The following AKAP7 variants were observed in gnomAD, a reference collection of about 807,000 sequenced individuals.
AKAP7 encodes the protein A-kinase anchoring protein 7.
Under a neutral mutation model 39.5 loss-of-function variants are expected in AKAP7, and 39 were observed. That is an observed-to-expected ratio of 0.99 (90% CI 0.76 to 1.29). AKAP7 has a LOEUF of 1.29. Among genes scored for constraint, AKAP7 ranks in the 50% most tolerant of loss-of-function variants. AKAP7 has a pLI of 0.00. For missense variants in AKAP7, 414 were observed against 407.7 expected, an observed-to-expected ratio of 1.02 and a Z score of -0.13; for synonymous variants, 140 against 139.1, an observed-to-expected ratio of 1.01 and a Z score of -0.05.
rs574845592 is a variant in AKAP7, at chr6:131,184,293, T to G, written c.589+15020T>G. On this transcript the variant is annotated intron_variant, in intron 5 of 7. Coordinates refer to ENST00000431975, the MANE Select transcript of AKAP7 (RefSeq NM_016377.4). The stretch of plus-strand genomic sequence containing the variant: ...ATGAAGTGGAGGAGAGAAACAGCCT[T>G]AGATATGTCGGGGAGCAGGGGGGTG... 8.9e-6 allele frequency: 5 copies of G among 560,944 alleles called. No homozygotes were observed. The East Asian group carries it at 1.7e-4, about 19-fold the overall frequency. 34.7% of individuals were successfully genotyped at this position (560,944 alleles called of 1,614,324 possible).
At chr6:131,275,641 C>T (rs1562260265) in intron 7 of AKAP7, among the ~76,000 whole-genome samples, 2 of 152,290 alleles carry the variant, frequency 1.3e-5, no homozygotes, top group African/African-American at 4.8e-5. Context: ...GCGTGGCCTA[C>T]AAACATCCAT....
At chr6:131,167,302 T>C (rs1803601568) in intron 4 of AKAP7, among the ~76,000 whole-genome samples, 1 of 152,196 alleles carries the variant, frequency 6.6e-6, no homozygotes, top group Admixed American at 6.5e-5. Context: ...AGCACAAATT[T>C]ACTGATTTAT....
intron 4 of AKAP7, among the ~76,000 whole-genome samples, chr6:131,167,657 A>G (rs1333873295): frequency 3.9e-5 from 6 of 152,170 alleles, no homozygotes; most frequent in African/African-American, 1.4e-4. Flanking sequence ...TAGATATACT[A>G]AAGTATAGTG....
intron 5 of AKAP7, chr6:131,185,452 AG>A: frequency 2.4e-6 from 1 of 409,858 alleles, no homozygotes; most frequent in Non-Finnish European, 4.6e-6. Flanking sequence ...ACTGCTCCCA[AG>A]GAACTTCATT....
At chr6:131,221,498 G>A (rs1809693508) in intron 7 of AKAP7, among the ~76,000 whole-genome samples, 1 of 152,222 alleles carries the variant, frequency 6.6e-6, no homozygotes, top group South Asian at 2.1e-4. Context: ...CAAAGCAACA[G>A]ATTTTCAATG....
intron 4 of AKAP7, among the ~76,000 whole-genome samples, 190 bp from the exon 5 acceptor site, chr6:131,168,920 ACTT>A (rs1176522056): frequency 6.6e-6 from 1 of 152,104 alleles, no homozygotes; most frequent in Non-Finnish European, 1.5e-5. Context: ...AGATTTCTTT[ACTT>A]CTTCCATAGT....
chr6:131,175,895 C>A (rs142506463), intron 5 of AKAP7, among the ~76,000 whole-genome samples: 2 of 152,198 alleles, frequency 1.3e-5, no homozygotes, highest in African/African-American at 4.8e-5. Flanking sequence ...CAACTATCCA[C>A]TTCTTCATCA....
chr6:131,209,247 C>T (rs1034717536), intron 6 of AKAP7, among the ~76,000 whole-genome samples: 5 of 151,640 alleles, frequency 3.3e-5, no homozygotes, highest in Admixed American at 6.6e-5. Context: ...AGATAAGCAT[C>T]TGATTTTTTT....
chr6:131,234,740 T>G (rs573567299), intron 7 of AKAP7, among the ~76,000 whole-genome samples: 1 of 151,948 alleles, frequency 6.6e-6, no homozygotes, highest in South Asian at 2.1e-4. Flanking sequence ...ACTTTACAAT[T>G]CAGTCTTTTT....
chr6:131,136,944 TTATG>T, intron 1 of AKAP7: 3 of 778,516 alleles, frequency 3.9e-6, no homozygotes, highest in Non-Finnish European at 4.7e-6. Context: ...ATGTATGTAC[TTATG>T]TATGTATGTA....
chr6:131,255,944 T>C (rs917598153), intron 7 of AKAP7, among the ~76,000 whole-genome samples: 1 of 152,208 alleles, frequency 6.6e-6, no homozygotes, highest in Non-Finnish European at 1.5e-5. Flanking sequence ...CCAAGTACTA[T>C]GCTAGGATTA....
At chr6:131,252,371 C>T (rs1222627523) in intron 7 of AKAP7, among the ~76,000 whole-genome samples, 1 of 152,104 alleles carries the variant, frequency 6.6e-6, no homozygotes, top group African/African-American at 2.4e-5. Flanking sequence ...CTCCTGATGG[C>T]CCCCTGGGTC....
intron 1 of AKAP7, among the ~76,000 whole-genome samples, chr6:131,142,962 T>C (rs1347666641): frequency 6.6e-6 from 1 of 152,214 alleles, no homozygotes; most frequent in Non-Finnish European, 1.5e-5. Context: ...GTTTTGGACT[T>C]ATGTGGAGCC....
chr6:131,193,281 T>G (rs1806592757), intron 5 of AKAP7, among the ~76,000 whole-genome samples: 1 of 152,136 alleles, frequency 6.6e-6, no homozygotes, highest in South Asian at 2.1e-4. Context: ...GAGTTTTTTA[T>G]GAAGGGATGT....
chr6:131,130,788 T>A (rs1800309127), upstream of AKAP7, among the ~76,000 whole-genome samples: 1 of 152,204 alleles, frequency 6.6e-6, no homozygotes, highest in African/African-American at 2.4e-5. Flanking sequence ...AGATTAGTTT[T>A]GCCAGACACC....
intron 5 of AKAP7, chr6:131,184,414 C>T (rs1805608268): frequency 4.5e-6 from 3 of 660,030 alleles, no homozygotes; most frequent in Non-Finnish European, 8.7e-6. Context: ...TCAGGGGGCT[C>T]AGATATGGAC....
chr6:131,167,903 T>C (rs1383346327), intron 4 of AKAP7, among the ~76,000 whole-genome samples: 1 of 152,112 alleles, frequency 6.6e-6, no homozygotes, highest in Non-Finnish European at 1.5e-5. Context: ...TCAAAATAAT[T>C]TAAACGAATA....
intron 7 of AKAP7, among the ~76,000 whole-genome samples, chr6:131,261,209 C>CA (rs370266418): frequency 0.26 from 28,538 of 108,300 alleles, 3,556 homozygotes; most frequent in African/African-American, 0.39. Flanking sequence ...ACTCTGTCTC[C>CA]AAAAAAAAAA....
intron 7 of AKAP7, among the ~76,000 whole-genome samples, chr6:131,237,590 T>TA (rs1420001323): frequency 6.6e-6 from 1 of 152,180 alleles, no homozygotes; most frequent in Non-Finnish European, 1.5e-5. Context: ...CAGAGCCTGT[T>TA]ATTGGTCTAT....
Sources: gnomAD v4.1 joint callset for allele counts (sites outside exome capture counted in the v4.1 genomes callset) on GRCh38, gnomAD v4.1.1 for gene constraint, MANE v1.5 for transcripts, NCBI Gene and HGNC (gene_info 2026-07-23, HGNC 2026-07-21) for gene names.